The following FADS2 variants were observed in gnomAD, a reference collection of about 807,000 sequenced individuals.
FADS2 encodes the protein fatty acid desaturase 2.
In FADS2, 18 loss-of-function variants were observed where a neutral mutation model predicts 61.2. That is an observed-to-expected ratio of 0.29 (90% confidence interval 0.20 to 0.44). The LOEUF is 0.44. FADS2 is among the 20% of genes least tolerant of loss of function. The pLI is 1.00. For missense variants in FADS2, 322 were observed against 572.7 expected, an observed-to-expected ratio of 0.56 and a Z score of 4.47; for synonymous variants, 203 against 223.9, an observed-to-expected ratio of 0.91 and a Z score of 0.83.
chr11:61,861,605 C>T (rs147299530), intron 7 of FADS2, among the ~76,000 whole-genome samples: 1 of 152,318 alleles, frequency 6.6e-6, no homozygotes, highest in East Asian at 1.9e-4. Flanking sequence ...GCAGAACTGG[C>T]TACATCTGCC....
chr11:61,843,287 G>C (rs1229504565), intron 4 of FADS2, among the ~76,000 whole-genome samples: 1 of 152,168 alleles, frequency 6.6e-6, no homozygotes, highest in Non-Finnish European at 1.5e-5. Context: ...AGAATTAGCC[G>C]GGGATGGTGG....
At position 61,856,775 on chromosome 11, in the gene FADS2, C is replaced by T. The variant is rs17156462; in HGVS notation, c.745-236C>T. On this transcript the variant is annotated intron_variant, in intron 5 of 11. Coordinates refer to ENST00000278840, the MANE Select transcript of FADS2 (RefSeq NM_004265.4). ...CGGCCTTGTAGAGGATCGATGCCAT[C>T]GGGCCAGTGCTCGGCTAGGGCTGAG... The T allele has an allele frequency of 5.7e-3, 3,115 of 545,994 alleles. 76 individuals carry two copies. Among genetic ancestry groups the T allele is most frequent in the African/African-American group, 0.054 (2,847 of 53,058 alleles). 33.8% of individuals were successfully genotyped at this position (545,994 alleles called of 1,614,324 possible).
chr11:61,848,599 A>G (rs2067280805), intron 5 of FADS2: 1 of 304,230 alleles, frequency 3.3e-6, no homozygotes, highest in Admixed American at 4.4e-5. Context: ...GTAAATACAG[A>G]CACAGCTCCT....
rs559150067 is a variant in FADS2, at chr11:61,862,721, G to A, written c.883-251G>A. 15 of 511,952 alleles carry A rather than the reference G, an allele frequency of 2.9e-5. No homozygotes were observed. In the East Asian group the frequency reaches 4.6e-4, roughly 16 times the overall value. The allele number at this position is 511,952 out of a possible 1,614,324, so 31.7% of individuals were successfully genotyped here. On this transcript the variant is annotated intron_variant, in intron 7 of 11. Transcript: ENST00000278840. ...CCCCATGGCTGCCCCTCAGCAGGAG[G>A]GTCCGTTTCTCTCCCGAAAAACAGG...
chr11:61,826,759 G>A (rs891239681), upstream of FADS2, among the ~76,000 whole-genome samples: 1 of 152,162 alleles, frequency 6.6e-6, no homozygotes, highest in Non-Finnish European at 1.5e-5. Context: ...GTTGGGGACT[G>A]TGTGAATGTG....
At chr11:61,850,004 CG>C (rs1565333325) in intron 5 of FADS2, among the ~76,000 whole-genome samples, 1 of 151,926 alleles carries the variant, frequency 6.6e-6, no homozygotes, top group Non-Finnish European at 1.5e-5. Flanking sequence ...TGCACTCCAG[CG>C]GGGACAGAAG....
At position 61,865,038 on chromosome 11, in the gene FADS2, C is replaced by T. The variant is rs987788808; in HGVS notation, c.1158-114C>T. On this transcript the variant is annotated intron_variant, in intron 10 of 11. Transcript: ENST00000278840. The surrounding 1 kb of genome is among the most constrained non-coding windows in gnomAD (Gnocchi z 4.1). ...AGCCACACTTTGAGACTGGTCCTGG[C>T]TGTGGACAGGGTCTCTGAGGGCCCC... The T allele has an allele frequency of 2.4e-5, 31 of 1,276,922 alleles. No homozygotes were observed. Among genetic ancestry groups the T allele is most frequent in the Middle Eastern group, 2.7e-4 (1 of 3,680 alleles). 79.1% of individuals were successfully genotyped at this position (1,276,922 alleles called of 1,614,324 possible). A position where few individuals can be genotyped will look rare whatever the true frequency, so the allele number is the denominator to read the frequency against.
intron 1 of FADS2, among the ~76,000 whole-genome samples, chr11:61,822,563 C>G (rs2067043379): frequency 3.3e-5 from 5 of 152,208 alleles, no homozygotes; most frequent in Admixed American, 3.3e-4. Flanking sequence ...CTCAGACCTG[C>G]CTCTATTAAG....
At chr11:61,824,487 AG>A (rs1565325390), upstream of FADS2, among the ~76,000 whole-genome samples, 289 of 9,510 alleles carry the variant, frequency 0.03, 43 homozygotes, top group African/African-American at 0.036. Flanking sequence ...AGAGAGAGAG[AG>A]AGAAAGAAAG....
At chr11:61,818,273 A>G (rs1244854194) in intron 1 of FADS2, among the ~76,000 whole-genome samples, 1 of 152,168 alleles carries the variant, frequency 6.6e-6, no homozygotes, top group Non-Finnish European at 1.5e-5. Context: ...GGGGCTTACC[A>G]AGTTCCCATA....
At position 61,851,547 on chromosome 11, in the gene FADS2, C is replaced by T. The variant is rs1459621716; in HGVS notation, c.744+3263C>T. Among the ~76,000 whole-genome samples the T allele has an allele frequency of 2.6e-5, 4 of 152,218 alleles. 1 individual carries two copies. Among genetic ancestry groups the T allele is most frequent in the Admixed American group, 2.6e-4 (4 of 15,282 alleles). On this transcript the variant is annotated intron_variant, in intron 5 of 11. Coordinates refer to ENST00000278840, the MANE Select transcript of FADS2 (RefSeq NM_004265.4). ...GTGTTTTGACCTGTGCTCTGGCTCT[C>T]GCAGGACCCGGCCGCCCTGGAAGGA...
rs1565334601 is a variant in FADS2 at position 61,853,295 on chromosome 11, CCTTCCTTCCTT to C, written c.745-3714_745-3704del. 2.7e-3 allele frequency among the ~76,000 whole-genome samples: 233 copies of C among 86,246 alleles called. 2 individuals are homozygous for C. The highest frequency in any genetic ancestry group is 8.1e-3 in the African/African-American group (215 of 26,456). The allele number at this position is 86,246 out of a possible 152,430, so 56.6% of individuals were successfully genotyped here. On this transcript the variant is annotated intron_variant, in intron 5 of 11. Transcript: ENST00000278840. The stretch of plus-strand genomic sequence containing the variant: ...CCTCCCTTCCCTCCCTCCCTCCCTT[CCTTCCTTCCTT>C]CCTTCCTTCCTTCCTTCCTTCCTTC...
chr11:61,846,422 TTCTCTC>T (rs982023766), intron 4 of FADS2, among the ~76,000 whole-genome samples: 1 of 142,470 alleles, frequency 7.0e-6, no homozygotes, highest in Non-Finnish European at 1.5e-5. Context: ...TTTTTTTTTT[TTCTCTC>T]TCTCTCTCTC....
chr11:61,841,604 A>T (rs1348850846), intron 4 of FADS2, among the ~76,000 whole-genome samples: 1 of 151,900 alleles, frequency 6.6e-6, no homozygotes, highest in African/African-American at 2.4e-5. Context: ...AAGAGGTACA[A>T]AGCAGCATTT....
intron 7 of FADS2, 100 bp downstream of exon 7, chr11:61,857,630 C>G (rs995428176): frequency 4.6e-6 from 5 of 1,085,440 alleles, no homozygotes. Flanking sequence ...CCAGTGGAGC[C>G]TGTGGGGCCC....
chr11:61,853,276 T>TTCCCTCCCTCCC (rs1262628030), intron 5 of FADS2, among the ~76,000 whole-genome samples: 1 of 64,548 alleles, frequency 1.5e-5, no homozygotes, highest in Non-Finnish European at 2.9e-5. Context: ...CCTCCCTCCC[T>TTCCCTCCCTCCC]TCCCTCCCTC....
chr11:61,828,067 A>C, upstream of FADS2: 2 of 1,219,166 alleles, frequency 1.6e-6, no homozygotes, highest in Non-Finnish European at 2.1e-6. This position sits in a 1 kb window ranked among gnomAD's most constrained non-coding sequence, Gnocchi z 6.4. Context: ...AGGGGCGGGC[A>C]GAGGAGGTGT....
At chr11:61,851,980 T>G (rs2067310716) in intron 5 of FADS2, among the ~76,000 whole-genome samples, 1 of 152,234 alleles carries the variant, frequency 6.6e-6, no homozygotes, top group Non-Finnish European at 1.5e-5. Context: ...GTTTCAATCT[T>G]TAACTTCTGC....
chr11:61,852,762 C>T (rs1299931923), intron 5 of FADS2, among the ~76,000 whole-genome samples: 2 of 151,970 alleles, frequency 1.3e-5, no homozygotes, highest in Non-Finnish European at 2.9e-5. Context: ...TCTTTTGTCC[C>T]GCTAGTGTCC....
Sources: gnomAD v4.1 joint callset for allele counts (sites outside exome capture counted in the v4.1 genomes callset) on GRCh38, gnomAD v4.1.1 for gene constraint, Gnocchi (gnomAD v3.1) non-coding constraint, MANE v1.5 for transcripts, NCBI Gene and HGNC (gene_info 2026-07-23, HGNC 2026-07-21) for gene names.